The following EYA3 variants were observed in gnomAD, a reference collection of about 807,000 sequenced individuals.
The protein encoded by EYA3 is protein phosphatase EYA3.
A neutral mutation model predicts 80.0 loss-of-function variants in EYA3; 39 were observed. The observed-to-expected ratio is 0.49, with a 90% CI of 0.38 to 0.64. The LOEUF (loss-of-function observed/expected upper bound fraction) is 0.64, where lower values mean the gene tolerates loss of function less well. EYA3 is among the 30% of genes least tolerant of loss of function. The probability of loss-of-function intolerance (pLI) is 0.00; values close to 1 mark genes in which losing one functional copy is unlikely to be tolerated. For synonymous variants in EYA3, 206 were observed against 232.8 expected, an observed-to-expected ratio of 0.88 and a Z score of 1.05; for missense variants, 523 against 676.1, an observed-to-expected ratio of 0.77 and a Z score of 2.51.
At chr1:28,046,934 GGC>G (rs938040710) in intron 3 of EYA3, among the ~76,000 whole-genome samples, 3 of 151,072 alleles carry the variant, frequency 2.0e-5, no homozygotes, top group African/African-American at 7.3e-5. Context: ...CACAACTTCT[GGC>G]CCCTGGGCTC....
intron 3 of EYA3, among the ~76,000 whole-genome samples, chr1:28,045,129 C>T (rs1242991242): frequency 6.6e-6 from 1 of 152,084 alleles, no homozygotes; most frequent in Non-Finnish European, 1.5e-5. Context: ...AATTTTAAAG[C>T]TAAATCCCCA....
At chr1:28,037,950 G>A (rs1474227144) in intron 5 of EYA3, among the ~76,000 whole-genome samples, 1 of 152,024 alleles carries the variant, frequency 6.6e-6, no homozygotes, top group Non-Finnish European at 1.5e-5. Context: ...GTATGCATAG[G>A]TCCACTCTTT....
chr1:28,014,425 A>C (rs1056176593), intron 8 of EYA3, among the ~76,000 whole-genome samples: 1 of 145,296 alleles, frequency 6.9e-6, no homozygotes, highest in Admixed American at 6.8e-5. Context: ...CTCAAAAAAA[A>C]AAAAAAAAAA....
chr1:28,083,142 C>A (rs1645490817), intron 1 of EYA3, among the ~76,000 whole-genome samples: 1 of 152,158 alleles, frequency 6.6e-6, no homozygotes, highest in African/African-American at 2.4e-5. Flanking sequence ...TCAAATCCAG[C>A]TCTTTGATAA....
intron 1 of EYA3, among the ~76,000 whole-genome samples, chr1:28,081,148 T>C (rs1645412656): frequency 6.6e-6 from 1 of 152,190 alleles, no homozygotes. Context: ...CCAAAAATTT[T>C]TTTTTGCACA....
Position 28,020,667 on chromosome 1 carries a change from CGTGTGTGTGTGTGTGTGTGT to C in EYA3, c.500-3448_500-3429del, listed in dbSNP as rs56017264. Reference sequence around the variant, plus strand: ...GCACTTTTAAAAAAATACAGATCATCGTGTGTGTGTGTGTGTGTGTGTGTGTGTGTGTGTGTGTGTGTGTG... The same window carrying C: ...GCACTTTTAAAAAAATACAGATCATCGTGTGTGTGTGTGTGTGTGTGTGTG... On this transcript the variant is annotated intron_variant, in intron 7 of 17. Transcript: ENST00000373871. Among the ~76,000 whole-genome samples the C allele has an allele frequency of 4.4e-3, 589 of 134,560 alleles. 3 individuals carry two copies. The highest frequency in any genetic ancestry group is 0.032 in the Middle Eastern group (9 of 280). The allele number at this position is 134,560 out of a possible 152,430, so 88.3% of individuals were successfully genotyped here.
chr1:28,016,629 A>C (rs1452914989), intron 8 of EYA3, among the ~76,000 whole-genome samples: 2 of 152,104 alleles, frequency 1.3e-5, no homozygotes, highest in Admixed American at 1.3e-4. Flanking sequence ...GGTGATGATA[A>C]TTGCTGTAGA....
chr1:28,073,127 ATT>A (rs1180868021), intron 1 of EYA3, among the ~76,000 whole-genome samples: 27 of 14,992 alleles, frequency 1.8e-3, no homozygotes, highest in South Asian at 8.1e-3. Context: ...ATATATATAT[ATT>A]TTTTTTTTTT....
chr1:27,995,113 C>A (rs1174910288), intron 13 of EYA3, among the ~76,000 whole-genome samples: 3 of 151,586 alleles, frequency 2.0e-5, no homozygotes, highest in Non-Finnish European at 4.4e-5. Context: ...GATTTAAAAT[C>A]CTTTAAGTAG....
chr1:27,998,378 G>C, intron 12 of EYA3: 8 of 915,168 alleles, frequency 8.7e-6, no homozygotes, highest in Non-Finnish European at 9.1e-6. Flanking sequence ...AATACAATTG[G>C]CAATAATTAT....
rs893655496 is a variant in EYA3, at chr1:27,977,081, T to C, written c.1641+1293A>G. Reference sequence around the variant, plus strand: ...AGCTCAGAGTTACCAACTCTGCTGATGAGTTGTTCTCTCCCCCATACCCTT... The same window carrying C: ...AGCTCAGAGTTACCAACTCTGCTGACGAGTTGTTCTCTCCCCCATACCCTT... On this transcript the variant is annotated intron_variant, in intron 17 of 17. Coordinates refer to ENST00000373871, the MANE Select transcript of EYA3 (RefSeq NM_001990.4). The C allele has an allele frequency of 5.1e-6, 5 of 985,276 alleles. No homozygotes were observed. In the African/African-American group the frequency reaches 8.7e-5, roughly 17 times the overall value. The allele number at this position is 985,276 out of a possible 1,614,324, so 61.0% of individuals were successfully genotyped here.
chr1:28,004,829 CA>C (rs1244741427), intron 10 of EYA3, among the ~76,000 whole-genome samples: 2 of 151,812 alleles, frequency 1.3e-5, no homozygotes, highest in African/African-American at 4.8e-5. Flanking sequence ...AAGGAAATAA[CA>C]ATGGCTAGAG....
chr1:28,088,328 C>A (rs543210928), intron 1 of EYA3, among the ~76,000 whole-genome samples, 196 bp downstream of exon 1: 4 of 152,194 alleles, frequency 2.6e-5, no homozygotes, highest in African/African-American at 9.6e-5. Flanking sequence ...GGCACGGAAG[C>A]GCGAGAAGGC....
intron 16 of EYA3, among the ~76,000 whole-genome samples, chr1:27,987,710 G>T (rs140768373): frequency 7.2e-5 from 11 of 152,078 alleles, no homozygotes; most frequent in African/African-American, 2.4e-4. Flanking sequence ...ATTTAGAGAC[G>T]GAGTCTCGCT....
At chr1:28,076,765 A>T (rs2148944381) in intron 1 of EYA3, among the ~76,000 whole-genome samples, 3 of 129,482 alleles carry the variant, frequency 2.3e-5, no homozygotes, top group South Asian at 2.7e-4. Flanking sequence ...TTTGAGACAG[A>T]GTTTCGCTCT....
chr1:27,982,099 C>T (rs1639344517), intron 16 of EYA3, among the ~76,000 whole-genome samples: 1 of 151,350 alleles, frequency 6.6e-6, no homozygotes, highest in Admixed American at 6.6e-5. Context: ...CTCCGCCTCC[C>T]AGGCGCAAGC....
rs781057929 is a variant in EYA3 at position 28,068,788 on chromosome 1, TTTTG to T, written c.-68-10698_-68-10695del. Among the ~76,000 whole-genome samples the T allele has an allele frequency of 7.9e-5, 12 of 152,128 alleles. No individual in the cohort carries two copies. The East Asian group carries it at 9.6e-4, about 12-fold the overall frequency. On this transcript the variant is annotated intron_variant, in intron 1 of 17. Coordinates refer to ENST00000373871, the MANE Select transcript of EYA3 (RefSeq NM_001990.4). ...GTACAGACTTTGATTTACTGGGTTT[TTTTG>T]TTTGTTTGTTTTTTGATTTTTTGAG...
In EYA3 at chr1:28,049,849, C is replaced by T. The variant is rs898431259; in HGVS notation, c.34-1423G>A. On this transcript the variant is annotated intron_variant, in intron 2 of 17. Coordinates refer to ENST00000373871, the MANE Select transcript of EYA3 (RefSeq NM_001990.4). ...AGCCTTTTTTTATAAAATGTTCTGC[C>T]CTTCCTACCTAAAGATGATAGTAGT... 4.6e-5 allele frequency among the ~76,000 whole-genome samples: 7 copies of T among 152,110 alleles called. No individual in the cohort carries two copies. In the East Asian group the frequency reaches 1.2e-3, roughly 25 times the overall value.
At chr1:28,063,827 T>A (rs1485387872) in intron 1 of EYA3, among the ~76,000 whole-genome samples, 4 of 152,192 alleles carry the variant, frequency 2.6e-5, no homozygotes, top group Non-Finnish European at 5.9e-5. Context: ...ATGTTGCATA[T>A]ACACAACTAT....
Sources: allele counts gnomAD v4.1 joint callset (sites outside exome capture counted in the v4.1 genomes callset), GRCh38; gene constraint gnomAD v4.1.1; transcripts MANE v1.5; gene names NCBI Gene and HGNC (gene_info 2026-07-23, HGNC 2026-07-21).